TMEM71: variants seen among roughly 807,000 people sequenced by gnomAD.
TMEM71 encodes the protein transmembrane protein 71.
In TMEM71, 44 loss-of-function variants were observed where a neutral mutation model predicts 38.0. The ratio of observed to expected loss-of-function variants is 1.16; its 90% CI spans 0.91 to 1.49. The LOEUF (loss-of-function observed/expected upper bound fraction) is 1.49. Ranked by LOEUF, TMEM71 falls within the 40% of genes most tolerant of loss-of-function variation. The pLI is 0.00. For synonymous variants in TMEM71, 133 were observed against 122.5 expected (o/e 1.09, Z -0.56); for missense variants, 367 against 348.6 (o/e 1.05, Z -0.42).
At chr8:132,754,194 A>G (rs1452037764) in intron 3 of TMEM71, among the ~76,000 whole-genome samples, 1 of 152,124 alleles carries the variant, frequency 6.6e-6, no homozygotes, top group Non-Finnish European at 1.5e-5. Flanking sequence ...TTTAGCAATG[A>G]AGCTTAAGTC....
intron 6 of TMEM71, among the ~76,000 whole-genome samples, chr8:132,726,971 C>G (rs975663478): frequency 2.6e-5 from 4 of 151,692 alleles, no homozygotes; most frequent in African/African-American, 9.7e-5. Flanking sequence ...CTCTCCCTGT[C>G]TCAGCCGCCA....
intron 7 of TMEM71, among the ~76,000 whole-genome samples, chr8:132,716,166 T>C (rs1476411043): frequency 6.6e-6 from 1 of 152,220 alleles, no homozygotes; most frequent in Non-Finnish European, 1.5e-5. Flanking sequence ...GAAGCCCCCC[T>C]GTGCCTGCAG....
At chr8:132,708,224 C>T (rs758698197), downstream of TMEM71, among the ~76,000 whole-genome samples, 2 of 152,154 alleles carry the variant, frequency 1.3e-5, no homozygotes, top group Non-Finnish European at 2.9e-5. Flanking sequence ...GAGCTGACAT[C>T]CAGTGATGTA....
chr8:132,728,006 C>CAGTGTG lies in TMEM71; in HGVS notation c.488-26_488-21dup. 2 of 1,542,164 alleles carry CAGTGTG rather than the reference C, an allele frequency of 1.3e-6. No individual in the cohort carries two copies. Among genetic ancestry groups the CAGTGTG allele is most frequent in the South Asian group, 1.2e-5 (1 of 85,590 alleles). On this transcript the variant is annotated intron_variant, in intron 5 of 9. Transcript: ENST00000677595. ...CATCTGCTGAAAAAGCAGAGGGGTT[C>CAGTGTG]AGTGTGAGTGTGTGTGTGTGTGTGT... is the stretch of plus-strand genomic sequence containing the variant.
intron 5 of TMEM71, among the ~76,000 whole-genome samples, chr8:132,746,328 G>C (rs1828342220): frequency 6.8e-6 from 1 of 147,184 alleles, no homozygotes; most frequent in African/African-American, 2.5e-5. Flanking sequence ...TATTTCAACA[G>C]TTATGTGTTT....
In TMEM71 at chr8:132,752,780, A is replaced by AGC. The variant is rs1349890110; in HGVS notation, c.102-784_102-783insGC. On this transcript the variant is annotated intron_variant, in intron 3 of 9. Coordinates refer to ENST00000677595, the MANE Select transcript of TMEM71 (RefSeq NM_001382403.1). ...AAGAAGAGAGAGAGAGAAAAAAAAA[A>AGC]GGGAGAGAGAGAAGGAAAGAAAGGA... is the stretch of plus-strand genomic sequence containing the variant. Among the ~76,000 whole-genome samples the AGC allele has an allele frequency of 1.5e-3, 225 of 150,472 alleles. 2 individuals are homozygous for AGC. The highest frequency in any genetic ancestry group is 5.2e-3 in the African/African-American group (211 of 40,724).
intron 2 of TMEM71, chr8:132,758,480 C>G (rs980202172): frequency 1.5e-5 from 3 of 196,106 alleles, no homozygotes; most frequent in Non-Finnish European, 3.1e-5. Flanking sequence ...AAACCACTAC[C>G]GTTTTAACAG....
At chr8:132,752,668 G>GAAGCTGCAGTGTGCTATTC (rs1828779356) in intron 3 of TMEM71, among the ~76,000 whole-genome samples, 1 of 151,864 alleles carries the variant, frequency 6.6e-6, no homozygotes, top group Admixed American at 6.6e-5. Flanking sequence ...CAGGAAGTTC[G>GAAGCTGCAGTGTGCTATTC]AAGCTGCAGT....
intron 3 of TMEM71, among the ~76,000 whole-genome samples, chr8:132,755,408 C>T (rs1472631550): frequency 6.6e-6 from 1 of 152,138 alleles, no homozygotes; most frequent in African/African-American, 2.4e-5. Flanking sequence ...GTAGTGGATT[C>T]GTTTTTAGCA....
At chr8:132,747,482 A>T (rs1442434491) in intron 4 of TMEM71, among the ~76,000 whole-genome samples, 1 of 152,170 alleles carries the variant, frequency 6.6e-6, no homozygotes, top group African/African-American at 2.4e-5. Flanking sequence ...TTATTATCCC[A>T]TTTTTCTGAT....
Position 132,714,185 on chromosome 8 carries a change from G to T in TMEM71, c.783C>A (p.Val261=). 1 of 1,612,572 alleles carries T rather than the reference G, an allele frequency of 6.2e-7. No homozygotes were observed. Among genetic ancestry groups the T allele is most frequent in the South Asian group, 1.1e-5 (1 of 91,014 alleles). ...CAGTTATCATCAATGAGCATGTGAA[G>T]ACACTGGCTAATATTTCTCCCATAA... The part of the protein sequence containing the change: ...RWFMGEILAS[V]FTCSLMITVA... Residue 261 remains valine (V), a synonymous_variant, in exon 8 of 10, where the codon GTC becomes GTA. Transcript: ENST00000677595.
At chr8:132,735,014 G>C (rs560262095) in intron 5 of TMEM71, among the ~76,000 whole-genome samples, 3 of 152,332 alleles carry the variant, frequency 2.0e-5, no homozygotes, top group African/African-American at 7.2e-5. Flanking sequence ...GAGTTCTAGA[G>C]AAAGGCATGC....
intron 6 of TMEM71, among the ~76,000 whole-genome samples, chr8:132,724,638 C>T (rs191629324): frequency 2.8e-4 from 43 of 152,244 alleles, no homozygotes; most frequent in Admixed American, 9.8e-4. Flanking sequence ...ACAGTTAACG[C>T]AATCATCACA....
the TMEM71 span, among the ~76,000 whole-genome samples, chr8:132,774,904 G>A: frequency 1.3e-5 from 2 of 152,218 alleles, no homozygotes; most frequent in Non-Finnish European, 2.9e-5. Flanking sequence ...TTGTAATACA[G>A]TTGTACAGTT....
At chr8:132,764,288 TTGTGTG>T (rs5895159), upstream of TMEM71, among the ~76,000 whole-genome samples, 19 of 149,164 alleles carry the variant, frequency 1.3e-4, no homozygotes, top group Non-Finnish European at 1.6e-4. Flanking sequence ...AACTGGGAGG[TTGTGTG>T]TGTGTGTGTG....
At chr8:132,714,610 G>A (rs1288961973) in intron 7 of TMEM71, among the ~76,000 whole-genome samples, 1 of 152,100 alleles carries the variant, frequency 6.6e-6, no homozygotes, top group Admixed American at 6.5e-5. Context: ...AAAACTTCTA[G>A]AAGAAAACAT....
chr8:132,745,683 A>G (rs1398741182), intron 5 of TMEM71, among the ~76,000 whole-genome samples: 1 of 152,114 alleles, frequency 6.6e-6, no homozygotes, highest in Non-Finnish European at 1.5e-5. Context: ...TATATCCAAG[A>G]GGAAACAAAT....
intron 9 of TMEM71, 140 bp downstream of exon 9, chr8:132,713,855 A>T (rs1826363584): frequency 2.7e-6 from 2 of 733,576 alleles, no homozygotes. Context: ...AAATTTTAGC[A>T]GTAACAGAAA....
At chr8:132,713,133 C>T (rs114600974) in intron 9 of TMEM71, among the ~76,000 whole-genome samples, 15 of 144,588 alleles carry the variant, frequency 1.0e-4, no homozygotes, top group African/African-American at 3.8e-4. Context: ...GTGTGAGCCA[C>T]CACACCCAGC....
Sources: gnomAD v4.1 joint callset for allele counts (sites outside exome capture counted in the v4.1 genomes callset) on GRCh38, gnomAD v4.1.1 for gene constraint, MANE v1.5 for transcripts, NCBI Gene and HGNC (gene_info 2026-07-23, HGNC 2026-07-21) for gene names.